AGBL1: variants seen among roughly 807,000 people sequenced by gnomAD.
AGBL1 encodes AGBL carboxypeptidase 1.
Under a neutral mutation model 118.9 loss-of-function variants are expected in AGBL1, and 130 were observed. The observed-to-expected ratio is 1.09, with a 90% confidence interval of 0.95 to 1.26. The LOEUF (loss-of-function observed/expected upper bound fraction) is 1.26, where lower values mean the gene tolerates loss of function less well. Ranked by LOEUF, AGBL1 falls within the 50% of genes most tolerant of loss-of-function variation. The pLI, the probability that AGBL1 is intolerant of heterozygous loss-of-function variation, is 0.00. For missense variants in AGBL1, 1,584 were observed against 1,298.1 expected, an observed-to-expected ratio of 1.22 and a Z score of -3.38; for synonymous variants, 555 against 478.9, an observed-to-expected ratio of 1.16 and a Z score of -2.08.
intron 23 of AGBL1, among the ~76,000 whole-genome samples, chr15:86,923,557 T>C (rs1431789595): frequency 6.6e-6 from 1 of 152,250 alleles, no homozygotes; most frequent in Non-Finnish European, 1.5e-5. Flanking sequence ...GCTTAAAGCA[T>C]TTATTATGCA....
chr15:86,183,959 C>T (rs542886307), intron 5 of AGBL1, among the ~76,000 whole-genome samples: 1 of 152,242 alleles, frequency 6.6e-6, no homozygotes, highest in South Asian at 2.1e-4. Context: ...CCCACTAATC[C>T]TCAGCACACT....
At chr15:86,332,519 G>A (rs1054900319) in intron 17 of AGBL1, among the ~76,000 whole-genome samples, 41 of 151,858 alleles carry the variant, frequency 2.7e-4, no homozygotes, top group Admixed American at 1.7e-3. Context: ...GGCAACAGGC[G>A]CCTGTAGTCC....
chr15:87,024,246 C>A (rs1465869180), intron 24 of AGBL1, among the ~76,000 whole-genome samples: 1 of 151,558 alleles, frequency 6.6e-6, no homozygotes, highest in Non-Finnish European at 1.5e-5. Flanking sequence ...GCAAGATTAA[C>A]CAAGAAGAGA....
chr15:86,667,981 T>TC (rs2085676856), intron 21 of AGBL1, among the ~76,000 whole-genome samples: 1 of 152,180 alleles, frequency 6.6e-6, no homozygotes, highest in Admixed American at 6.6e-5. Flanking sequence ...CAGGGAGCTT[T>TC]CCCTCATGGC....
intron 15 of AGBL1, among the ~76,000 whole-genome samples, chr15:86,272,922 G>T (rs1432957746): frequency 6.6e-6 from 1 of 152,056 alleles, no homozygotes; most frequent in East Asian, 1.9e-4. Context: ...CTTTCCTACG[G>T]TTCAGAGAGA....
At chr15:86,311,625 A>T (rs2079922933) in intron 17 of AGBL1, among the ~76,000 whole-genome samples, 1 of 151,992 alleles carries the variant, frequency 6.6e-6, no homozygotes, top group Non-Finnish European at 1.5e-5. Flanking sequence ...TTTTTTTGAC[A>T]TCACGAATAT....
At chr15:86,277,646 T>G (rs2079278797) in intron 15 of AGBL1, among the ~76,000 whole-genome samples, 1 of 152,338 alleles carries the variant, frequency 6.6e-6, no homozygotes, top group Middle Eastern at 3.4e-3. Flanking sequence ...TTTAGTGTAC[T>G]AATAGTGCAG....
intron 22 of AGBL1, among the ~76,000 whole-genome samples, chr15:86,759,612 C>T (rs183628180): frequency 1.2e-3 from 182 of 152,124 alleles, no homozygotes; most frequent in Non-Finnish European, 1.9e-3. Flanking sequence ...CCCTTTGTAA[C>T]ATTTGGTGAG....
In AGBL1 at chr15:86,267,041, G is replaced by A; in HGVS notation, c.1803G>A (p.Glu601=). The A allele has an allele frequency of 6.4e-7, 1 of 1,570,004 alleles. No individual in the cohort carries two copies. Among genetic ancestry groups the A allele is most frequent in the Non-Finnish European group, 8.6e-7 (1 of 1,156,134 alleles). Residue 601 remains glutamate, a synonymous_variant, in exon 13 of 23, where the codon GAG becomes GAA. Transcript: ENST00000614907. ...SNCLRFFSKF[E]SGNLRKAIQV... ...GTTTACGGTTCTTCTCCAAATTTGAGTCAGGAAATCTTCGCAAAGCCATCC... is the reference window on the plus strand; with the variant it reads ...GTTTACGGTTCTTCTCCAAATTTGAATCAGGAAATCTTCGCAAAGCCATCC...
rs1414942072 is a variant in AGBL1 at position 86,910,005 on chromosome 15, G to T, written c.*2711G>T. The T allele has an allele frequency of 6.6e-6, 1 of 152,218 alleles. No homozygotes were observed. Among genetic ancestry groups the T allele is most frequent in the Non-Finnish European group, 1.5e-5 (1 of 68,046 alleles). The allele number at this position is 152,218 out of a possible 1,614,324, so 9.4% of individuals were successfully genotyped here. ...CACTTTACTAAGCTCTACGGATGCA[G>T]ATAAGAAAGACCTATTTTGTGCCCT... On this transcript the variant is annotated 3_prime_UTR_variant, in exon 23 of 23. Coordinates refer to ENST00000614907, the MANE Select transcript of AGBL1 (RefSeq NM_001386094.1).
intron 18 of AGBL1, among the ~76,000 whole-genome samples, chr15:86,421,090 A>G (rs2081783119): frequency 6.6e-6 from 1 of 152,208 alleles, no homozygotes; most frequent in African/African-American, 2.4e-5. Flanking sequence ...CCAACATTCC[A>G]ATTCAGGAAA....
At chr15:86,090,652 C>T (rs1895962175) in intron 1 of AGBL1, among the ~76,000 whole-genome samples, 1 of 152,148 alleles carries the variant, frequency 6.6e-6, no homozygotes, top group Admixed American at 6.5e-5. Flanking sequence ...TAGCATTTCA[C>T]TTGGGCTTGA....
At chr15:86,733,090 T>A (rs114135734) in intron 22 of AGBL1, among the ~76,000 whole-genome samples, 2 of 149,452 alleles carry the variant, frequency 1.3e-5, no homozygotes, top group East Asian at 3.9e-4. Context: ...TATATATATC[T>A]TATACATAGG....
chr15:86,700,468 T>TACACACACACACACACAC, intron 22 of AGBL1, among the ~76,000 whole-genome samples: 1 of 114,736 alleles, frequency 8.7e-6, no homozygotes, highest in African/African-American at 3.6e-5. Flanking sequence ...AGCAGACTAA[T>TACACACACACACACACAC]ACACACACAC....
chr15:86,707,669 C>T (rs779148654), intron 22 of AGBL1, among the ~76,000 whole-genome samples: 2 of 152,072 alleles, frequency 1.3e-5, no homozygotes, highest in Non-Finnish European at 1.5e-5. Flanking sequence ...CAATAAAAAT[C>T]CTTTTTTCTG....
chr15:86,250,831 T>G (rs533536990), intron 7 of AGBL1, among the ~76,000 whole-genome samples: 2 of 152,240 alleles, frequency 1.3e-5, no homozygotes, highest in East Asian at 3.9e-4. Context: ...TCCTCTCCCT[T>G]CTGCTAGAGA....
At chr15:86,791,882 G>A (rs2078498991) in intron 22 of AGBL1, among the ~76,000 whole-genome samples, 1 of 151,922 alleles carries the variant, frequency 6.6e-6, no homozygotes, top group East Asian at 1.9e-4. Context: ...GATTAAAGGT[G>A]TGTGCCACCA....
intron 22 of AGBL1, among the ~76,000 whole-genome samples, chr15:86,781,046 T>C (rs1266790894): frequency 6.6e-6 from 1 of 152,180 alleles, no homozygotes; most frequent in Non-Finnish European, 1.5e-5. Flanking sequence ...TTCCTAAGTA[T>C]TTAACATGTT....
chr15:86,732,628 T>G (rs928565441), intron 22 of AGBL1, among the ~76,000 whole-genome samples: 4 of 152,186 alleles, frequency 2.6e-5, no homozygotes, highest in African/African-American at 9.7e-5. Context: ...GGAGTTCACT[T>G]TTCCTCATTT....
Sources: gnomAD v4.1 joint callset for allele counts (sites outside exome capture counted in the v4.1 genomes callset) on GRCh38, gnomAD v4.1.1 for gene constraint, MANE v1.5 for transcripts, NCBI Gene and HGNC (gene_info 2026-07-23, HGNC 2026-07-21) for gene names.